Variants in PSPC1 observed in about 807,000 individuals in gnomAD.
PSPC1 encodes paraspeckle component 1.
Under a neutral mutation model 51.6 loss-of-function variants are expected in PSPC1, and 14 were observed. The observed-to-expected ratio is 0.27, with a 90% CI of 0.18 to 0.42. The LOEUF (loss-of-function observed/expected upper bound fraction) is 0.42, where lower values mean the gene tolerates loss of function less well. Among genes scored for constraint, PSPC1 ranks in the 10% least tolerant of loss-of-function variants. The probability of loss-of-function intolerance (pLI) is 1.00; values close to 1 mark genes in which losing one functional copy is unlikely to be tolerated. For synonymous variants in PSPC1, 193 were observed against 231.9 expected, an observed-to-expected ratio of 0.83 and a Z score of 1.53; for missense variants, 406 against 701.1, an observed-to-expected ratio of 0.58 and a Z score of 4.75.
In PSPC1 at chr13:19,772,474, G is replaced by A. The variant is rs762606545; in HGVS notation, c.442C>T (p.Arg148Trp). ...DGTILKSRPLRIRFATHGAAL... is the reference protein window; with the variant it reads ...DGTILKSRPLWIRFATHGAAL... ...GCTCCATGTGTAGCGAAGCGAATCC[G>A]TAGAGGTCTGCTCTTGAGAATGGTG... Residue 148 changes from arginine to tryptophan, a missense_variant, in exon 2 of 9, where the codon CGG becomes TGG. This residue lies in a region of PSPC1 where 180 missense variants were observed against 337.9 expected (regional missense o/e 0.53). Transcript: ENST00000338910. 4 of 1,614,198 alleles carry A rather than the reference G, an allele frequency of 2.5e-6. No homozygotes were observed. The highest frequency in any genetic ancestry group is 3.4e-6 in the Non-Finnish European group (4 of 1,180,044).
chr13:19,769,709 T>C (rs544938161), intron 2 of PSPC1, among the ~76,000 whole-genome samples: 4 of 152,024 alleles, frequency 2.6e-5, no homozygotes, highest in Non-Finnish European at 5.9e-5. Context: ...CACTCCAGCC[T>C]GGGCAACAAG....
chr13:19,748,588 A>G (rs1190231299), intron 4 of PSPC1, among the ~76,000 whole-genome samples: 2 of 152,190 alleles, frequency 1.3e-5, no homozygotes, highest in African/African-American at 4.8e-5. Flanking sequence ...TTTGCCATCA[A>G]TATATCCTCA....
At chr13:19,754,457 T>C (rs1886873599) in intron 3 of PSPC1, among the ~76,000 whole-genome samples, 1 of 149,624 alleles carries the variant, frequency 6.7e-6, no homozygotes, top group Admixed American at 6.7e-5. Flanking sequence ...TAACTCCTTT[T>C]TTTTTTTTTT....
intron 6 of PSPC1, among the ~76,000 whole-genome samples, chr13:19,727,517 C>T (rs1883500777): frequency 6.6e-6 from 1 of 152,132 alleles, no homozygotes; most frequent in Non-Finnish European, 1.5e-5. Flanking sequence ...ATAACTAAAG[C>T]TAAAATAAGA....
At chr13:19,700,467 C>A (rs903447646), downstream of PSPC1, among the ~76,000 whole-genome samples, 3 of 152,006 alleles carry the variant, frequency 2.0e-5, no homozygotes, top group East Asian at 1.9e-4. Context: ...ATAAAAAAAA[C>A]CTCAAGAAAG....
At chr13:19,721,007 T>C (rs1223784664) in intron 6 of PSPC1, among the ~76,000 whole-genome samples, 2 of 139,586 alleles carry the variant, frequency 1.4e-5, no homozygotes, top group Non-Finnish European at 3.1e-5. Context: ...AGCCTACATC[T>C]CACTAGTTGT....
chr13:19,672,326 T>C, downstream of PSPC1: 1 of 164,704 alleles, frequency 6.1e-6, no homozygotes, highest in South Asian at 1.6e-4. Context: ...GTATTTTTAG[T>C]AGAGATGGGG....
At chr13:19,672,917 G>A (rs1876216884), downstream of PSPC1, 1 of 363,252 alleles carries the variant, frequency 2.8e-6, no homozygotes, top group Admixed American at 3.7e-5. Flanking sequence ...TGGGTAACAT[G>A]GGGTGGAACA....
At chr13:19,693,681 A>C (rs968724117) in intron 6 of PSPC1, among the ~76,000 whole-genome samples, 4 of 152,216 alleles carry the variant, frequency 2.6e-5, no homozygotes, top group Non-Finnish European at 4.4e-5. Flanking sequence ...ACACAAAAGG[A>C]AAGTAACAAA....
intron 6 of PSPC1, among the ~76,000 whole-genome samples, chr13:19,684,162 G>C (rs116091570): frequency 5.6e-4 from 85 of 152,190 alleles, no homozygotes; most frequent in Admixed American, 2.3e-3. Flanking sequence ...CCCTACAAAG[G>C]CATCTCGAAA....
At chr13:19,754,115 A>T (rs1886834448) in intron 3 of PSPC1, among the ~76,000 whole-genome samples, 1 of 149,358 alleles carries the variant, frequency 6.7e-6, no homozygotes, top group African/African-American at 2.5e-5. Flanking sequence ...AAACAGTTTC[A>T]TTCTTGTAGC....
intron 4 of PSPC1, among the ~76,000 whole-genome samples, chr13:19,746,236 T>C (rs1885966781): frequency 6.6e-6 from 1 of 151,818 alleles, no homozygotes; most frequent in Non-Finnish European, 1.5e-5. Context: ...ACCCCATCTC[T>C]ACTACTAATA....
chr13:19,691,470 C>T (rs1878536431), intron 6 of PSPC1, among the ~76,000 whole-genome samples: 1 of 152,102 alleles, frequency 6.6e-6, no homozygotes, highest in African/African-American at 2.4e-5. Context: ...CTGCGGTGAG[C>T]TATGATACAC....
At chr13:19,682,232 A>G (rs1236759614) in intron 6 of PSPC1, among the ~76,000 whole-genome samples, 3 of 152,226 alleles carry the variant, frequency 2.0e-5, no homozygotes, top group African/African-American at 7.2e-5. Context: ...TGTATCTTTC[A>G]GCTGATATTT....
rs200230080 is a variant in PSPC1 at position 19,688,961 on chromosome 13, T to A, written c.1159-11138A>T. Among the ~76,000 whole-genome samples the A allele has an allele frequency of 1.3e-3, 29 of 22,366 alleles. 2 individuals are homozygous for A. In the East Asian group the frequency reaches 0.039, roughly 30 times the overall value. The allele number at this position is 22,366 out of a possible 152,430, so 14.7% of individuals were successfully genotyped here. On this transcript the variant is annotated intron_variant and NMD_transcript_variant, in intron 6 of 7. Transcript: ENST00000471658. ...TTACTTTTAATGGTGTGATAAACTC[T>A]TAAAAAAAAAAAAAAAGGAAACTCA... is the stretch of plus-strand genomic sequence containing the variant.
chr13:19,699,947 T>A (rs191714137), downstream of PSPC1, among the ~76,000 whole-genome samples: 22 of 152,110 alleles, frequency 1.4e-4, no homozygotes, highest in South Asian at 2.5e-3. Context: ...AATACCTTAC[T>A]CCCCAGGAAC....
At chr13:19,727,588 A>G (rs1318700336) in intron 6 of PSPC1, among the ~76,000 whole-genome samples, 2 of 152,332 alleles carry the variant, frequency 1.3e-5, no homozygotes, top group South Asian at 2.1e-4. Context: ...TTACTCCAAG[A>G]AACTGCATCA....
intron 1 of PSPC1, among the ~76,000 whole-genome samples, chr13:19,773,188 TAACTTGACTAGA>T: frequency 6.6e-6 from 1 of 150,966 alleles, no homozygotes; most frequent in East Asian, 1.9e-4. Flanking sequence ...AAAACAATAA[TAACTTGACTAGA>T]AACTATCAAC....
At position 19,692,126 on chromosome 13, in the gene PSPC1, GTATT is replaced by G. The variant is rs1481635519; in HGVS notation, c.1159-14307_1159-14304del. 3.9e-5 allele frequency among the ~76,000 whole-genome samples: 6 copies of G among 152,016 alleles called. No homozygotes were observed. The South Asian group carries it at 1.0e-3, about 26-fold the overall frequency. On this transcript the variant is annotated intron_variant and NMD_transcript_variant, in intron 6 of 7. Transcript: ENST00000471658. Reference sequence around the variant, plus strand: ...AAGCAGAATCTGAGTCATGTTTTGTGTATTTATTTATTTTTGAGACAAAGTCTCA... The same window carrying G: ...AAGCAGAATCTGAGTCATGTTTTGTGTATTTATTTTTGAGACAAAGTCTCA...
Sources: gnomAD v4.1 joint callset for allele counts (sites outside exome capture counted in the v4.1 genomes callset) on GRCh38, gnomAD v4.1.1 for gene constraint, gnomAD v4.1.1 regional missense constraint, MANE v1.5 for transcripts, NCBI Gene and HGNC (gene_info 2026-07-23, HGNC 2026-07-21) for gene names.